The following LCP1 variants were observed in gnomAD, a reference collection of about 807,000 sequenced individuals.
The protein encoded by LCP1 is plastin-2.
LCP1 carries 23 observed loss-of-function variants against 72.0 expected under a neutral mutation model. The ratio of observed to expected loss-of-function variants is 0.32; its 90% CI spans 0.23 to 0.45. The LOEUF (loss-of-function observed/expected upper bound fraction) is 0.45. LCP1 is among the 20% of genes least tolerant of loss of function. The pLI is 1.00. For synonymous variants in LCP1, 245 were observed against 275.4 expected (o/e 0.89, Z 1.09); for missense variants, 571 against 748.3 (o/e 0.76, Z 2.76).
At chr13:46,163,886 C>T (rs2045861613) in intron 1 of LCP1, among the ~76,000 whole-genome samples, 1 of 152,178 alleles carries the variant, frequency 6.6e-6, no homozygotes, top group South Asian at 2.1e-4. Context: ...TCCACATATG[C>T]ATGAATAGAA....
At chr13:46,144,397 T>G in intron 11 of LCP1, 45 bp downstream of exon 11, 3 of 1,396,622 alleles carry the variant, frequency 2.1e-6, no homozygotes, top group Non-Finnish European at 3.1e-6. Flanking sequence ...ATGGCTCTTT[T>G]GAGGTCTCTA....
At chr13:46,127,877 G>A (rs1463180762) in intron 15 of LCP1, among the ~76,000 whole-genome samples, 154 bp from the exon 16 acceptor site, 1 of 152,160 alleles carries the variant, frequency 6.6e-6, no homozygotes, top group Non-Finnish European at 1.5e-5. Context: ...CACTTTTGTG[G>A]ACAAATTTTG....
At chr13:46,153,998 A>G (rs1396038606) in intron 6 of LCP1, among the ~76,000 whole-genome samples, 1 of 152,222 alleles carries the variant, frequency 6.6e-6, no homozygotes, top group Non-Finnish European at 1.5e-5. Context: ...AATTGTTTTA[A>G]TTGGCAAATT....
intron 6 of LCP1, 22 bp from the exon 7 acceptor site, chr13:46,152,967 A>G (rs757070806): frequency 1.9e-6 from 3 of 1,599,370 alleles, no homozygotes; most frequent in Non-Finnish European, 2.6e-6. Context: ...AATGTATGCA[A>G]GTTTTTGTTC....
At chr13:46,159,331 A>G (rs1299034314) in intron 2 of LCP1, 1 of 538,690 alleles carries the variant, frequency 1.9e-6, no homozygotes, top group Non-Finnish European at 3.3e-6. Flanking sequence ...ACAGCAAAAC[A>G]GAAGACAAGA....
rs187167393 is a variant in LCP1, at chr13:46,126,610, C to A, written c.*981G>T. The A allele has an allele frequency of 4.3e-6, 1 of 231,770 alleles. No homozygotes were observed. Among genetic ancestry groups the A allele is most frequent in the East Asian group, 6.1e-5 (1 of 16,348 alleles). 14.4% of individuals were successfully genotyped at this position (231,770 alleles called of 1,614,324 possible). A position where few individuals can be genotyped will look rare whatever the true frequency, so the allele number is the denominator to read the frequency against. On this transcript the variant is annotated 3_prime_UTR_variant, in exon 16 of 16. Coordinates refer to ENST00000323076, the MANE Select transcript of LCP1 (RefSeq NM_002298.5). The stretch of plus-strand genomic sequence containing the variant: ...AATCAGATATGCTAAGCTCTAGAAG[C>A]AAAAGCAAGGTAGGATTGCCTCCAA...
intron 1 of LCP1, among the ~76,000 whole-genome samples, chr13:46,170,866 C>T (rs1396332085): frequency 3.9e-5 from 6 of 152,174 alleles, no homozygotes; most frequent in Admixed American, 1.3e-4. Flanking sequence ...CTTTTTAGAT[C>T]CACAGGAAGA....
chr13:46,129,529 G>A lies in LCP1; in HGVS notation c.1751+1285C>T, dbSNP rs907941515. On this transcript the variant is annotated intron_variant, in intron 15 of 15. Transcript: ENST00000323076. ...TCTAGTCCCCTTCCTATCCCTTCAG[G>A]GATGCCTCATACTGTCCCTTCCACA... Among the ~76,000 whole-genome samples the A allele has an allele frequency of 2.0e-5, 3 of 152,006 alleles. No individual in the cohort carries two copies. In the South Asian group the frequency reaches 6.2e-4, roughly 32 times the overall value.
Sources: gnomAD v4.1 joint callset for allele counts (sites outside exome capture counted in the v4.1 genomes callset) on GRCh38, gnomAD v4.1.1 for gene constraint, MANE v1.5 for transcripts, NCBI Gene and HGNC (gene_info 2026-07-23, HGNC 2026-07-21) for gene names.